The following WDR70 variants were observed in gnomAD, a reference collection of about 807,000 sequenced individuals.
WDR70 encodes WD repeat-containing protein 70.
WDR70 carries 53 observed loss-of-function variants against 88.6 expected under a neutral mutation model. The observed-to-expected ratio is 0.60, with a 90% confidence interval of 0.48 to 0.75. The LOEUF is 0.75. WDR70 is among the 30% of genes least tolerant of loss of function. WDR70 has a pLI of 0.00. For synonymous variants in WDR70, 280 were observed against 270.0 expected (o/e 1.04, Z -0.36); for missense variants, 610 against 823.2 (o/e 0.74, Z 3.17).
chr5:37,505,746 T>C, intron 8 of WDR70: 2 of 1,335,656 alleles, frequency 1.5e-6, no homozygotes, highest in Admixed American at 1.7e-5. Context: ...TATAGCTCCC[T>C]ACACGTTGGA....
chr5:37,414,126 AG>A (rs1749616302), intron 5 of WDR70, among the ~76,000 whole-genome samples: 1 of 145,604 alleles, frequency 6.9e-6, no homozygotes, highest in Non-Finnish European at 1.5e-5. Flanking sequence ...CCTGGGCAAC[AG>A]GAGCAAAACT....
chr5:37,419,802 C>G lies in WDR70; in HGVS notation c.493-18120C>G, dbSNP rs145638257. Reference sequence around the variant, plus strand: ...CCAGTCTGGGCGACACAACGAGACTCTGTCTCAAAAACAAAAACTGAATTT... The same window carrying G: ...CCAGTCTGGGCGACACAACGAGACTGTGTCTCAAAAACAAAAACTGAATTT... On this transcript the variant is annotated intron_variant, in intron 5 of 17. Coordinates refer to ENST00000265107, the MANE Select transcript of WDR70 (RefSeq NM_018034.4). 7.3e-3 allele frequency among the ~76,000 whole-genome samples: 1,112 copies of G among 152,226 alleles called. 14 individuals are homozygous for G. The highest frequency in any genetic ancestry group is 0.012 in the Non-Finnish European group (831 of 68,012).
intron 9 of WDR70, among the ~76,000 whole-genome samples, chr5:37,585,085 GGTTCA>G (rs148174996): frequency 0.045 from 6,814 of 150,808 alleles, 179 homozygotes; most frequent in Middle Eastern, 0.11. Context: ...CTGCCTCCCA[GGTTCA>G]AGTGATTCTC....
intron 10 of WDR70, among the ~76,000 whole-genome samples, chr5:37,646,864 T>C (rs893210565): frequency 1.3e-5 from 2 of 152,234 alleles, no homozygotes; most frequent in African/African-American, 4.8e-5. Context: ...ATCTGCTTGT[T>C]GTTATATAAC....
At chr5:37,693,863 TTAAAC>T (rs1395849874) in intron 10 of WDR70, among the ~76,000 whole-genome samples, 2 of 152,170 alleles carry the variant, frequency 1.3e-5, no homozygotes, top group South Asian at 2.1e-4. Flanking sequence ...ATGTATCTAA[TTAAAC>T]TAAAGAGCTT....
intron 9 of WDR70, among the ~76,000 whole-genome samples, chr5:37,564,198 G>C (rs1349724686): frequency 2.0e-5 from 3 of 151,670 alleles, no homozygotes; most frequent in Non-Finnish European, 3.0e-5. Context: ...AGGTTGTAGC[G>C]AGCCGAGATC....
At chr5:37,520,745 C>A (rs1294234886) in intron 9 of WDR70, among the ~76,000 whole-genome samples, 1 of 151,990 alleles carries the variant, frequency 6.6e-6, no homozygotes, top group Non-Finnish European at 1.5e-5. Context: ...AGTAAAAGTT[C>A]TAAGTAAAAT....
intron 10 of WDR70, among the ~76,000 whole-genome samples, chr5:37,663,458 A>C (rs1464023976): frequency 6.6e-6 from 1 of 152,100 alleles, no homozygotes; most frequent in Non-Finnish European, 1.5e-5. Flanking sequence ...AAAAAAGCCC[A>C]CAGTTTTGCA....
chr5:37,479,703 A>T lies in WDR70; in HGVS notation c.687-131A>T, dbSNP rs1463102325. On this transcript the variant is annotated intron_variant, in intron 7 of 17. Coordinates refer to ENST00000265107, the MANE Select transcript of WDR70 (RefSeq NM_018034.4). ...GGTATTTAGAACCCATTTGAGGTTG[A>T]TGTTCCTGATTTTGTGGAATTATCA... 4.6e-6 allele frequency: 5 copies of T among 1,086,784 alleles called. No individual in the cohort carries two copies. In the Admixed American group the frequency reaches 7.0e-5, roughly 15 times the overall value. The allele number at this position is 1,086,784 out of a possible 1,614,324, so 67.3% of individuals were successfully genotyped here.
At chr5:37,488,172 C>G (rs1240614733) in intron 8 of WDR70, among the ~76,000 whole-genome samples, 1 of 141,636 alleles carries the variant, frequency 7.1e-6, no homozygotes, top group Non-Finnish European at 1.5e-5. Context: ...ACTGTTAAGT[C>G]TGATGGGTGT....
At chr5:37,443,438 G>T in intron 7 of WDR70, 66 bp downstream of exon 7, 4 of 1,569,026 alleles carry the variant, frequency 2.5e-6, no homozygotes, top group South Asian at 1.2e-5. Flanking sequence ...AGACAGTGCT[G>T]TTGGCTTTGG....
At chr5:37,623,146 A>G (rs1282783037) in intron 10 of WDR70, among the ~76,000 whole-genome samples, 1 of 152,182 alleles carries the variant, frequency 6.6e-6, no homozygotes, top group Non-Finnish European at 1.5e-5. Context: ...GAATTGAAGG[A>G]AATTTCAAAA....
At chr5:37,440,559 G>A (rs1297459593) in intron 6 of WDR70, among the ~76,000 whole-genome samples, 4 of 152,192 alleles carry the variant, frequency 2.6e-5, no homozygotes, top group African/African-American at 4.8e-5. Flanking sequence ...TGGCCAGGCC[G>A]GTCTTGAACT....
At chr5:37,626,167 G>T (rs1438859792) in intron 10 of WDR70, among the ~76,000 whole-genome samples, 6 of 152,124 alleles carry the variant, frequency 3.9e-5, no homozygotes. Flanking sequence ...TGTTGAATAA[G>T]AATACTGAGA....
At chr5:37,444,319 A>G (rs1487700770) in intron 7 of WDR70, among the ~76,000 whole-genome samples, 1 of 148,852 alleles carries the variant, frequency 6.7e-6, no homozygotes, top group African/African-American at 2.5e-5. Flanking sequence ...ATGTTGCTAC[A>G]ATGAGCCAGC....
chr5:37,394,532 A>G (rs1748949925), intron 4 of WDR70, among the ~76,000 whole-genome samples: 1 of 152,208 alleles, frequency 6.6e-6, no homozygotes, highest in African/African-American at 2.4e-5. Flanking sequence ...TTGAAGGGAT[A>G]GATAACAGAC....
At position 37,677,621 on chromosome 5, in the gene WDR70, C is replaced by A. The variant is rs1464301583; in HGVS notation, c.1093-20034C>A. On this transcript the variant is annotated intron_variant, in intron 10 of 17. Coordinates refer to ENST00000265107, the MANE Select transcript of WDR70 (RefSeq NM_018034.4). ...GAGACAGTTTGTTATAATTTCTATT[C>A]TTTTACATTTGCTGAGGAGAGCTTT... Among the ~76,000 whole-genome samples, 13 of 152,124 alleles carry A rather than the reference C, an allele frequency of 8.5e-5. 1 individual carries two copies. Among genetic ancestry groups the A allele is most frequent in the Non-Finnish European group, 1.5e-4 (10 of 68,036 alleles).
intron 7 of WDR70, among the ~76,000 whole-genome samples, chr5:37,452,467 T>C (rs1004910663): frequency 3.9e-5 from 6 of 152,202 alleles, no homozygotes; most frequent in African/African-American, 1.4e-4. Context: ...GGTTTCACCA[T>C]GTTGGCCAGG....
At chr5:37,557,911 G>GAATACTCTTCAAAAGAGTACTCTTTTT (rs1742342028) in intron 9 of WDR70, among the ~76,000 whole-genome samples, 1 of 131,546 alleles carries the variant, frequency 7.6e-6, no homozygotes, top group Non-Finnish European at 1.7e-5. Flanking sequence ...ATACTCTTTT[G>GAATACTCTTCAAAAGAGTACTCTTTTT]AAAACTCTTC....
Sources: allele counts gnomAD v4.1 joint callset (sites outside exome capture counted in the v4.1 genomes callset), GRCh38; gene constraint gnomAD v4.1.1; transcripts MANE v1.5; gene names NCBI Gene and HGNC (gene_info 2026-07-23, HGNC 2026-07-21).